The following AP3S2 variants were observed in gnomAD, a reference collection of about 807,000 sequenced individuals.
AP3S2 encodes AP-3 complex subunit sigma-2.
Under a neutral mutation model 23.4 loss-of-function variants are expected in AP3S2, and 22 were observed. That is an observed-to-expected ratio of 0.94 (90% CI 0.67 to 1.34). AP3S2 has a LOEUF of 1.34. AP3S2 is among the 40% of genes most tolerant of loss of function. The probability of loss-of-function intolerance (pLI) is 0.00; values close to 1 mark genes in which losing one functional copy is unlikely to be tolerated. For synonymous variants in AP3S2, 86 were observed against 87.1 expected (o/e 0.99, Z 0.07); for missense variants, 241 against 236.9 (o/e 1.02, Z -0.11).
chr15:89,862,289 G>A (rs944911686), intron 4 of AP3S2, among the ~76,000 whole-genome samples: 1 of 152,032 alleles, frequency 6.6e-6, no homozygotes, highest in Non-Finnish European at 1.5e-5. Flanking sequence ...TGGGACAATT[G>A]GGAAACTTAA....
chr15:89,877,227 G>T, intron 3 of AP3S2: 1 of 884,564 alleles, frequency 1.1e-6, no homozygotes, highest in South Asian at 1.3e-5. Context: ...CAAGATCACA[G>T]ACCCACACAT....
intron 3 of AP3S2, chr15:89,877,125 C>T: frequency 2.7e-6 from 1 of 372,052 alleles, no homozygotes; most frequent in Non-Finnish European, 5.2e-6. Flanking sequence ...GAAGATGAAG[C>T]TAGATGTAGC....
chr15:89,873,915 C>G (rs1896380176), intron 3 of AP3S2, among the ~76,000 whole-genome samples: 1 of 114,644 alleles, frequency 8.7e-6, no homozygotes, highest in South Asian at 3.1e-4. Context: ...AGGTCTCACT[C>G]TGTCACCCAG....
intron 3 of AP3S2, chr15:89,878,320 C>T (rs1896490959): frequency 3.1e-6 from 2 of 637,488 alleles, no homozygotes; most frequent in Non-Finnish European, 5.5e-6. Flanking sequence ...GCAAAAAGAC[C>T]AATGGAGTAG....
chr15:89,847,632 T>C (rs1895529543), intron 4 of AP3S2, among the ~76,000 whole-genome samples: 1 of 151,962 alleles, frequency 6.6e-6, no homozygotes, highest in Non-Finnish European at 1.5e-5. Context: ...CTGAATCTAA[T>C]CCCATGTCAA....
chr15:89,865,479 C>T (rs1306670820), intron 4 of AP3S2: 1 of 152,220 alleles, frequency 6.6e-6, no homozygotes, highest in Non-Finnish European at 1.5e-5. Flanking sequence ...GCATACAGAG[C>T]ACTGGGAACA....
intron 4 of AP3S2, among the ~76,000 whole-genome samples, chr15:89,870,954 T>G (rs528608871): frequency 1.3e-5 from 2 of 152,306 alleles, no homozygotes; most frequent in East Asian, 3.9e-4. Flanking sequence ...AACACCTACT[T>G]GGGGCCATTT....
chr15:89,883,427 G>A (rs913501706), intron 3 of AP3S2, among the ~76,000 whole-genome samples: 18 of 149,704 alleles, frequency 1.2e-4, no homozygotes, highest in African/African-American at 2.2e-4. Flanking sequence ...ACAGAATCTC[G>A]CTCTGTCACT....
intron 4 of AP3S2, among the ~76,000 whole-genome samples, chr15:89,868,543 G>A (rs1896221379): frequency 7.4e-6 from 1 of 134,756 alleles, no homozygotes; most frequent in Non-Finnish European, 1.6e-5. Context: ...CGCCCGGCCA[G>A]CCGCCCCGTC....
chr15:89,878,858 C>T (rs1246397659), intron 3 of AP3S2, among the ~76,000 whole-genome samples: 4 of 152,124 alleles, frequency 2.6e-5, no homozygotes, highest in Non-Finnish European at 4.4e-5. Context: ...GTGATTCTCC[C>T]GCCTCAGCCT....
chr15:89,888,483 C>G, intron 3 of AP3S2, 38 bp downstream of exon 3: 1 of 1,602,792 alleles, frequency 6.2e-7, no homozygotes, highest in Non-Finnish European at 8.5e-7. Flanking sequence ...CGTGGAAACT[C>G]TCTAAAGCTG....
intron 4 of AP3S2, among the ~76,000 whole-genome samples, chr15:89,869,109 G>A (rs1445247787): frequency 1.2e-4 from 18 of 150,764 alleles, no homozygotes; most frequent in East Asian, 3.9e-4. Flanking sequence ...GATGACAATG[G>A]CGGCTTTGTG....
At chr15:89,885,290 G>A (rs1896670646) in intron 3 of AP3S2, among the ~76,000 whole-genome samples, 1 of 151,918 alleles carries the variant, frequency 6.6e-6, no homozygotes, top group Admixed American at 6.6e-5. Context: ...TGCCTCCCAG[G>A]TTCAGGTGAT....
chr15:89,893,078 A>G (rs920177312), intron 1 of AP3S2: 1 of 152,244 alleles, frequency 6.6e-6, no homozygotes, highest in South Asian at 2.1e-4. Context: ...AAAGACAATA[A>G]AAGTCTGAAA....
At chr15:89,848,143 C>T (rs1895542184) in intron 4 of AP3S2, among the ~76,000 whole-genome samples, 1 of 152,196 alleles carries the variant, frequency 6.6e-6, no homozygotes, top group Admixed American at 6.5e-5. Context: ...GCCTGTTGTG[C>T]TACAAAAGAC....
chr15:89,841,037 T>C (rs1895318453), intron 4 of AP3S2, among the ~76,000 whole-genome samples: 1 of 152,216 alleles, frequency 6.6e-6, no homozygotes, highest in Non-Finnish European at 1.5e-5. Flanking sequence ...AATGAAAGGC[T>C]TTCCATATAT....
At chr15:89,887,435 G>A (rs888302636) in intron 3 of AP3S2, among the ~76,000 whole-genome samples, 4 of 151,800 alleles carry the variant, frequency 2.6e-5, no homozygotes, top group African/African-American at 4.8e-5. Flanking sequence ...GCAGTGGTGC[G>A]ATCTCGGCTC....
chr15:89,840,690 A>C (rs1238635664), intron 4 of AP3S2, among the ~76,000 whole-genome samples: 1 of 152,158 alleles, frequency 6.6e-6, no homozygotes, highest in Non-Finnish European at 1.5e-5. Context: ...GGCCTCCCAA[A>C]GTGCTGAGAT....
At chr15:89,842,825 A>C (rs1240069775) in intron 4 of AP3S2, among the ~76,000 whole-genome samples, 1 of 152,106 alleles carries the variant, frequency 6.6e-6, no homozygotes, top group South Asian at 2.1e-4. Flanking sequence ...GTTGGCCAGG[A>C]TGGTCTGCAT....
Sources: allele counts gnomAD v4.1 joint callset (sites outside exome capture counted in the v4.1 genomes callset), GRCh38; gene constraint gnomAD v4.1.1; transcripts MANE v1.5; gene names NCBI Gene and HGNC (gene_info 2026-07-23, HGNC 2026-07-21).